RAB10: variants seen among roughly 807,000 people sequenced by gnomAD.
RAB10 encodes RAB10, member RAS oncogene family, also known as ras-related protein Rab-10.
RAB10 carries 5 observed loss-of-function variants against 25.7 expected under a neutral mutation model. That is an observed-to-expected ratio of 0.19 (90% confidence interval 0.10 to 0.41). RAB10 has a LOEUF of 0.41. Ranked by LOEUF, RAB10 falls within the 10% of genes least tolerant of loss-of-function variation. The pLI, the probability that RAB10 is intolerant of heterozygous loss-of-function variation, is 1.00. For missense variants in RAB10, 103 were observed against 245.8 expected, an observed-to-expected ratio of 0.42 and a Z score of 3.89; for synonymous variants, 89 against 86.4, an observed-to-expected ratio of 1.03 and a Z score of -0.16.
chr2:26,051,893 C>G (rs555819609), intron 1 of RAB10, among the ~76,000 whole-genome samples: 1 of 150,988 alleles, frequency 6.6e-6, no homozygotes, highest in Non-Finnish European at 1.5e-5. Context: ...CCCGTCTCTA[C>G]TAAAAATACA....
intron 1 of RAB10, among the ~76,000 whole-genome samples, chr2:26,085,383 G>C (rs967961820): frequency 4.0e-5 from 6 of 151,586 alleles, no homozygotes; most frequent in African/African-American, 1.5e-4. Flanking sequence ...CTGGCTACTT[G>C]GGAGGTTGAG....
chr2:26,062,503 C>T (rs1160866083), intron 1 of RAB10, among the ~76,000 whole-genome samples: 1 of 151,792 alleles, frequency 6.6e-6, no homozygotes, highest in Non-Finnish European at 1.5e-5. Flanking sequence ...CCTGGTGAGA[C>T]CCCAACTCTA....
At chr2:26,097,535 C>G (rs1341830650) in intron 1 of RAB10, among the ~76,000 whole-genome samples, 2 of 152,184 alleles carry the variant, frequency 1.3e-5, no homozygotes, top group East Asian at 3.9e-4. Context: ...GCCTTGGCCT[C>G]CCAAAGTGCT....
At chr2:26,037,510 A>T (rs911706628) in intron 1 of RAB10, among the ~76,000 whole-genome samples, 1 of 152,030 alleles carries the variant, frequency 6.6e-6, no homozygotes, top group African/African-American at 2.4e-5. Context: ...GTGGTGGCGC[A>T]TGCTTGTAAT....
At chr2:26,104,472 A>G (rs1206020585) in intron 2 of RAB10, among the ~76,000 whole-genome samples, 1 of 152,188 alleles carries the variant, frequency 6.6e-6, no homozygotes, top group African/African-American at 2.4e-5. Context: ...TATATTCTGC[A>G]TACCCAAGTC....
intron 3 of RAB10, among the ~76,000 whole-genome samples, chr2:26,117,619 C>CAAAAA (rs71399361): frequency 5.8e-5 from 2 of 34,380 alleles, no homozygotes; most frequent in African/African-American, 3.0e-4. Context: ...GACTCCGTCT[C>CAAAAA]AAAAAAAAAA....
intron 3 of RAB10, among the ~76,000 whole-genome samples, chr2:26,110,640 A>C (rs932833299): frequency 1.3e-5 from 2 of 152,222 alleles, no homozygotes; most frequent in Admixed American, 1.3e-4. Flanking sequence ...TATATGGAAT[A>C]CTAATATAGT....
At chr2:26,045,904 G>C (rs907392044) in intron 1 of RAB10, among the ~76,000 whole-genome samples, 1 of 152,186 alleles carries the variant, frequency 6.6e-6, no homozygotes, top group Non-Finnish European at 1.5e-5. Context: ...TACAAAGGAT[G>C]TTGAGGTTAA....
intron 2 of RAB10, among the ~76,000 whole-genome samples, chr2:26,107,245 CAAAAA>C (rs57391958): frequency 1.5e-5 from 1 of 66,806 alleles, no homozygotes; most frequent in Non-Finnish European, 3.2e-5. Context: ...CACCCTGTTT[CAAAAA>C]AAAAAAAAAA....
At chr2:26,077,507 A>G (rs1443466150) in intron 1 of RAB10, among the ~76,000 whole-genome samples, 2 of 152,212 alleles carry the variant, frequency 1.3e-5, no homozygotes, top group African/African-American at 4.8e-5. Flanking sequence ...ACTTACATCT[A>G]TTGATTCAAC....
At chr2:26,134,329 C>T (rs537624175) in intron 5 of RAB10, among the ~76,000 whole-genome samples, 4 of 152,012 alleles carry the variant, frequency 2.6e-5, no homozygotes, top group Non-Finnish European at 5.9e-5. Context: ...TGTTGCCCAA[C>T]GTGGTTTTAG....
intron 1 of RAB10, among the ~76,000 whole-genome samples, chr2:26,044,276 TC>T (rs1487266290): frequency 6.6e-6 from 1 of 152,236 alleles, no homozygotes; most frequent in African/African-American, 2.4e-5. Context: ...CCCCTCCTGT[TC>T]CAGGTGTTAG....
chr2:26,069,712 ACT>A (rs1666584980), intron 1 of RAB10, among the ~76,000 whole-genome samples: 1 of 150,008 alleles, frequency 6.7e-6, no homozygotes, highest in Non-Finnish European at 1.5e-5. Context: ...CTACTCAGAT[ACT>A]TTTTTTTTTG....
chr2:26,131,026 T>C (rs1668002547), intron 5 of RAB10, among the ~76,000 whole-genome samples: 1 of 151,084 alleles, frequency 6.6e-6, no homozygotes, highest in Non-Finnish European at 1.5e-5. Flanking sequence ...CTCATCAGTC[T>C]TGGCTTTTTT....
intron 1 of RAB10, among the ~76,000 whole-genome samples, chr2:26,047,451 T>C (rs1666037023): frequency 6.6e-6 from 1 of 151,912 alleles, no homozygotes; most frequent in African/African-American, 2.4e-5. Context: ...AGTCTTGTTC[T>C]GTCGCCTAGG....
chr2:26,082,298 G>A (rs4665817), intron 1 of RAB10, among the ~76,000 whole-genome samples: 127,146 of 152,042 alleles, frequency 0.84, 53,601 homozygotes, highest in African/African-American at 0.96. Context: ...TTTATTATGA[G>A]CCTTAGAGAA....
At chr2:26,115,316 CA>C (rs11355375) in intron 3 of RAB10, among the ~76,000 whole-genome samples, 112,028 of 148,730 alleles carry the variant, frequency 0.75, 42,022 homozygotes, top group East Asian at 0.87. Flanking sequence ...TCACAATAGC[CA>C]AAAAAAAAAA....
intron 1 of RAB10, among the ~76,000 whole-genome samples, chr2:26,055,237 T>C (rs1291596070): frequency 6.6e-6 from 1 of 152,172 alleles, no homozygotes; most frequent in Non-Finnish European, 1.5e-5. Flanking sequence ...TACTTTCTTA[T>C]CATCTGAAGT....
At chr2:26,074,680 A>G (rs552249374) in intron 1 of RAB10, among the ~76,000 whole-genome samples, 76 of 152,304 alleles carry the variant, frequency 5.0e-4, no homozygotes, top group South Asian at 1.5e-3. Flanking sequence ...TGGTCTCCCA[A>G]AGTGCTGGGA....
Sources: allele counts gnomAD v4.1 joint callset (sites outside exome capture counted in the v4.1 genomes callset), GRCh38; gene constraint gnomAD v4.1.1; transcripts MANE v1.5; gene names NCBI Gene and HGNC (gene_info 2026-07-23, HGNC 2026-07-21).